Variants in FER observed in about 807,000 individuals in gnomAD.
The protein encoded by FER is FER tyrosine kinase.
In FER, 63 loss-of-function variants were observed where a neutral mutation model predicts 111.0. The observed-to-expected ratio is 0.57, with a 90% CI of 0.46 to 0.70. The LOEUF is 0.70. Among genes scored for constraint, FER ranks in the 30% least tolerant of loss-of-function variants. The pLI is 0.00. For synonymous variants in FER, 327 were observed against 313.9 expected, an observed-to-expected ratio of 1.04 and a Z score of -0.44; for missense variants, 914 against 954.0, an observed-to-expected ratio of 0.96 and a Z score of 0.55.
At chr5:108,799,846 C>CTTTTT (rs112192717) in intron 3 of FER, among the ~76,000 whole-genome samples, 8 of 138,940 alleles carry the variant, frequency 5.8e-5, no homozygotes, top group Non-Finnish European at 7.8e-5. Flanking sequence ...CTTTTCTTTT[C>CTTTTT]TTTTTTTTTT....
At chr5:109,138,789 A>G (rs1753185758) in intron 17 of FER, among the ~76,000 whole-genome samples, 1 of 152,206 alleles carries the variant, frequency 6.6e-6, no homozygotes, top group Non-Finnish European at 1.5e-5. Context: ...AGAGATGATA[A>G]GGGTTTGAAC....
intron 17 of FER, among the ~76,000 whole-genome samples, chr5:109,163,451 A>T (rs1033872935): frequency 1.4e-4 from 22 of 152,144 alleles, no homozygotes; most frequent in Non-Finnish European, 8.8e-5. Context: ...TAGCTTTATA[A>T]GAAACTACAA....
At chr5:109,051,700 A>C in intron 16 of FER, 1 of 1,572,336 alleles carries the variant, frequency 6.4e-7, no homozygotes, top group Non-Finnish European at 8.8e-7. Flanking sequence ...GGCGGGGCTC[A>C]GCGGGCCAGT....
intron 16 of FER, among the ~76,000 whole-genome samples, chr5:109,082,055 C>T (rs930634589): frequency 4.0e-5 from 6 of 151,620 alleles, no homozygotes; most frequent in Non-Finnish European, 5.9e-5. Context: ...GAAATTTGAA[C>T]GGGGGACAGG....
In FER at chr5:108,951,382, G is replaced by A. The variant is rs542739853; in HGVS notation, c.1330-3347G>A. Among the ~76,000 whole-genome samples, 135 of 152,198 alleles carry A rather than the reference G, an allele frequency of 8.9e-4. 1 individual carries two copies. Among genetic ancestry groups the A allele is most frequent in the Non-Finnish European group, 1.1e-3 (78 of 67,998 alleles). On this transcript the variant is annotated intron_variant, in intron 11 of 19. Transcript: ENST00000281092. ...CTTGGCCTCCCAAAGTGCTGTTACA[G>A]GATACAGCCACTGTGCCCGGCCAAA... is the stretch of plus-strand genomic sequence containing the variant.
chr5:109,044,564 C>G, intron 14 of FER, 116 bp from the exon 15 acceptor site: 1 of 560,938 alleles, frequency 1.8e-6, no homozygotes, highest in Non-Finnish European at 3.2e-6. Context: ...TAGTTCATCA[C>G]TGGTGATATT....
At chr5:109,127,560 C>T (rs568153471) in intron 17 of FER, among the ~76,000 whole-genome samples, 1 of 152,070 alleles carries the variant, frequency 6.6e-6, no homozygotes, top group Non-Finnish European at 1.5e-5. Context: ...CGCGCCACCA[C>T]ATCAGCTAAT....
At chr5:108,991,789 A>G (rs1413725056) in intron 13 of FER, among the ~76,000 whole-genome samples, 1 of 152,044 alleles carries the variant, frequency 6.6e-6, no homozygotes, top group Non-Finnish European at 1.5e-5. Flanking sequence ...ACTTAGCCAC[A>G]GAAATATATT....
intron 17 of FER, among the ~76,000 whole-genome samples, chr5:109,116,219 A>G (rs1750211956): frequency 6.6e-6 from 1 of 152,074 alleles, no homozygotes; most frequent in African/African-American, 2.4e-5. Flanking sequence ...TGTAACCTAT[A>G]CTGGGAGATG....
At chr5:109,061,309 G>T (rs1362444177) in intron 16 of FER, among the ~76,000 whole-genome samples, 1 of 151,992 alleles carries the variant, frequency 6.6e-6, no homozygotes, top group Non-Finnish European at 1.5e-5. Context: ...GAAATAACCA[G>T]CTAGTTTTTT....
intron 17 of FER, among the ~76,000 whole-genome samples, chr5:109,121,306 C>T (rs1391253621): frequency 1.3e-5 from 2 of 152,022 alleles, no homozygotes; most frequent in Non-Finnish European, 2.9e-5. Context: ...ATCATGAAAA[C>T]ATGTTGAATT....
chr5:108,871,313 ATC>A, intron 6 of FER, 50 bp from the exon 7 acceptor site: 1 of 1,447,348 alleles, frequency 6.9e-7, no homozygotes, highest in Non-Finnish European at 9.5e-7. Flanking sequence ...TTGAGATAGT[ATC>A]TCTCTTGATA....
intron 13 of FER, among the ~76,000 whole-genome samples, chr5:109,011,243 T>G (rs1300564056): frequency 6.6e-6 from 1 of 152,156 alleles, no homozygotes; most frequent in African/African-American, 2.4e-5. Flanking sequence ...CAGAATTCAG[T>G]GAGATATTGA....
At chr5:108,888,191 T>A (rs114601423) in intron 9 of FER, among the ~76,000 whole-genome samples, 1 of 151,752 alleles carries the variant, frequency 6.6e-6, no homozygotes, top group Admixed American at 6.6e-5. Flanking sequence ...GAACCTTACA[T>A]TTTTTTCCTT....
intron 5 of FER, among the ~76,000 whole-genome samples, chr5:108,840,134 A>T (rs1007873781): frequency 6.6e-6 from 1 of 152,326 alleles, no homozygotes; most frequent in African/African-American, 2.4e-5. Context: ...CAGGCGTCAT[A>T]TACTCTTGAT....
intron 17 of FER, among the ~76,000 whole-genome samples, chr5:109,109,070 G>T (rs762623995): frequency 1.3e-5 from 2 of 152,102 alleles, no homozygotes; most frequent in Admixed American, 6.6e-5. Flanking sequence ...TATCTATTAA[G>T]TGTAAGCATT....
At chr5:108,997,001 G>A (rs964730844) in intron 13 of FER, among the ~76,000 whole-genome samples, 5 of 152,010 alleles carry the variant, frequency 3.3e-5, no homozygotes, top group Admixed American at 3.3e-4. Context: ...TGGATTCCTA[G>A]GTATTTTATT....
intron 13 of FER, among the ~76,000 whole-genome samples, chr5:109,030,193 G>T (rs980337368): frequency 1.3e-5 from 2 of 151,872 alleles, no homozygotes; most frequent in Non-Finnish European, 2.9e-5. Context: ...TGTTTCTATG[G>T]CTGAGATAAT....
At chr5:109,076,491 G>A (rs908208436) in intron 16 of FER, among the ~76,000 whole-genome samples, 1 of 152,112 alleles carries the variant, frequency 6.6e-6, no homozygotes, top group Non-Finnish European at 1.5e-5. Context: ...GTGCAGTGGT[G>A]TAATCATGGC....
Sources: gnomAD v4.1 joint callset for allele counts (sites outside exome capture counted in the v4.1 genomes callset) on GRCh38, gnomAD v4.1.1 for gene constraint, MANE v1.5 for transcripts, NCBI Gene and HGNC (gene_info 2026-07-23, HGNC 2026-07-21) for gene names.